MBD5: variants seen among roughly 807,000 people sequenced by gnomAD.
MBD5 encodes methyl-CpG binding domain protein 5.
A neutral mutation model predicts 117.3 loss-of-function variants in MBD5; 13 were observed. That is an observed-to-expected ratio of 0.11 (90% CI 0.07 to 0.18). The LOEUF is 0.18. Ranked by LOEUF, MBD5 falls within the 10% of genes least tolerant of loss-of-function variation. The pLI, the probability that MBD5 is intolerant of heterozygous loss-of-function variation, is 1.00. For synonymous variants in MBD5, 727 were observed against 766.4 expected, an observed-to-expected ratio of 0.95 and a Z score of 0.85; for missense variants, 1,879 against 2,093.8, an observed-to-expected ratio of 0.90 and a Z score of 2.00.
chr2:148,252,319 G>A (rs1287323831), intron 3 of MBD5, among the ~76,000 whole-genome samples: 1 of 152,042 alleles, frequency 6.6e-6, no homozygotes. Flanking sequence ...AAATAGCCAG[G>A]CATGGTGGTG....
At chr2:148,239,718 C>CACACACACACACACACACACAT (rs1212562659) in intron 3 of MBD5, among the ~76,000 whole-genome samples, 2 of 148,650 alleles carry the variant, frequency 1.3e-5, no homozygotes, top group East Asian at 1.9e-4. Flanking sequence ...CACACACACA[C>CACACACACACACACACACACAT]ATATATTGAG....
chr2:148,212,135 G>T (rs1215801047), intron 2 of MBD5, among the ~76,000 whole-genome samples: 1 of 152,118 alleles, frequency 6.6e-6, no homozygotes. Flanking sequence ...GTACAATCCA[G>T]TGCTTCTTAG....
chr2:148,043,485 A>AAATAAATAAATAAATAAATAAATAAATG (rs1446837847), intron 1 of MBD5, among the ~76,000 whole-genome samples: 12 of 141,814 alleles, frequency 8.5e-5, no homozygotes, highest in African/African-American at 3.2e-4. Context: ...ATAAATAAAT[A>AAATAAATAAATAAATAAATAAATAAATG]AAAGAATAGA....
chr2:148,206,007 A>C (rs1033166848), intron 2 of MBD5, among the ~76,000 whole-genome samples: 4 of 151,936 alleles, frequency 2.6e-5, no homozygotes, highest in Non-Finnish European at 5.9e-5. Context: ...TGGTGGACCC[A>C]GTGACTTGGG....
At position 148,512,384 on chromosome 2, in the gene MBD5, G is replaced by T. The variant is rs1407104091; in HGVS notation, c.5113-486G>T. The T allele has an allele frequency of 1.4e-5, 3 of 221,578 alleles. No homozygotes were observed. In the South Asian group the frequency reaches 2.3e-4, roughly 17 times the overall value. The allele number at this position is 221,578 out of a possible 1,614,324, so 13.7% of individuals were successfully genotyped here. On this transcript the variant is annotated intron_variant, in intron 13 of 13. Transcript: ENST00000642680. ...AACATCCTTGGGCTGAGCTATGTGT[G>T]CATGTTATTATAATTTGTGACCCTT...
chr2:148,278,460 T>C (rs1355334665), intron 3 of MBD5, among the ~76,000 whole-genome samples: 2 of 152,190 alleles, frequency 1.3e-5, no homozygotes, highest in Non-Finnish European at 2.9e-5. Flanking sequence ...GTTGTGTATG[T>C]GTATGTGAAA....
intron 3 of MBD5, among the ~76,000 whole-genome samples, chr2:148,328,123 G>A (rs1475801000): frequency 1.3e-5 from 2 of 152,196 alleles, no homozygotes; most frequent in Non-Finnish European, 2.9e-5. Context: ...GTCTGCCCCT[G>A]CTGGGGGGTG....
chr2:148,079,146 G>A (rs987190118), intron 1 of MBD5, among the ~76,000 whole-genome samples: 1 of 152,184 alleles, frequency 6.6e-6, no homozygotes, highest in African/African-American at 2.4e-5. Flanking sequence ...TTTAAGTGGT[G>A]AAGTGTCTAA....
intron 3 of MBD5, among the ~76,000 whole-genome samples, chr2:148,310,984 A>G (rs1186408768): frequency 6.6e-6 from 1 of 152,106 alleles, no homozygotes; most frequent in Non-Finnish European, 1.5e-5. Context: ...CCTGAGTTCT[A>G]ATTTGATTGT....
chr2:148,354,284 G>A (rs993778239), intron 4 of MBD5, among the ~76,000 whole-genome samples: 2 of 149,700 alleles, frequency 1.3e-5, no homozygotes, highest in Admixed American at 1.3e-4. Flanking sequence ...CCCACCAACA[G>A]GCCCCAGTGT....
chr2:148,259,823 T>C (rs940773343), intron 3 of MBD5, among the ~76,000 whole-genome samples: 22 of 152,210 alleles, frequency 1.4e-4, no homozygotes, highest in Non-Finnish European at 2.2e-4. Context: ...CGCTGAGTCA[T>C]GCTGCACCAG....
intron 1 of MBD5, among the ~76,000 whole-genome samples, chr2:148,043,284 A>T (rs7605298): frequency 0.073 from 10,957 of 150,844 alleles, 745 homozygotes; most frequent in African/African-American, 0.16. Context: ...AAAAAATAAA[A>T]AAATAAATAA....
chr2:148,063,640 G>T (rs1000928052), intron 1 of MBD5, among the ~76,000 whole-genome samples: 3 of 151,954 alleles, frequency 2.0e-5, no homozygotes. Flanking sequence ...CTGCCTATGT[G>T]AACAAGGGCT....
At chr2:148,098,314 C>T (rs1038395682) in intron 1 of MBD5, among the ~76,000 whole-genome samples, 3 of 151,878 alleles carry the variant, frequency 2.0e-5, no homozygotes, top group African/African-American at 2.4e-5. Flanking sequence ...TTGGCAGTAG[C>T]GGAAAGGGTT....
chr2:148,443,285 T>G (rs1236643876), intron 4 of MBD5, among the ~76,000 whole-genome samples: 1 of 151,324 alleles, frequency 6.6e-6, no homozygotes, highest in Non-Finnish European at 1.5e-5. Flanking sequence ...CTTTGTACAC[T>G]GTTGTACACT....
chr2:148,272,342 T>C (rs1701005360), intron 3 of MBD5, among the ~76,000 whole-genome samples: 3 of 152,206 alleles, frequency 2.0e-5, no homozygotes, highest in African/African-American at 7.2e-5. Flanking sequence ...TTTTAAGTTT[T>C]TTGAGGAACT....
chr2:148,100,705 T>C (rs952862681), intron 1 of MBD5, among the ~76,000 whole-genome samples: 1 of 152,246 alleles, frequency 6.6e-6, no homozygotes, highest in Non-Finnish European at 1.5e-5. Context: ...CTTCATAACA[T>C]GGTGATCAGA....
chr2:148,104,798 G>A (rs1320161177), intron 1 of MBD5, among the ~76,000 whole-genome samples: 2 of 152,158 alleles, frequency 1.3e-5, no homozygotes, highest in East Asian at 1.9e-4. Context: ...TTCAATTTTT[G>A]TGACACTTTC....
chr2:148,071,075 C>T (rs1312024168), intron 1 of MBD5: 1 of 152,096 alleles, frequency 6.6e-6, no homozygotes, highest in African/African-American at 2.4e-5. Flanking sequence ...TGGTTTCGAA[C>T]TCCTGGCCTC....
Sources: gnomAD v4.1 joint callset for allele counts (sites outside exome capture counted in the v4.1 genomes callset) on GRCh38, gnomAD v4.1.1 for gene constraint, MANE v1.5 for transcripts, NCBI Gene and HGNC (gene_info 2026-07-23, HGNC 2026-07-21) for gene names.